The following IQCM variants were observed in gnomAD, a reference collection of about 807,000 sequenced individuals.
The protein encoded by IQCM is IQ domain-containing protein M.
In IQCM, 45 loss-of-function variants were observed where a neutral mutation model predicts 57.6. The ratio of observed to expected loss-of-function variants is 0.78; its 90% CI spans 0.62 to 1.00. IQCM has a LOEUF of 1.00. IQCM is among the 50% of genes least tolerant of loss of function. The pLI, the probability that IQCM is intolerant of heterozygous loss-of-function variation, is 0.00. For missense variants in IQCM, 468 were observed against 511.6 expected (o/e 0.91, Z 0.82); for synonymous variants, 148 against 158.9 (o/e 0.93, Z 0.51).
At chr4:149,624,791 T>C (rs908741059) in intron 7 of IQCM, among the ~76,000 whole-genome samples, 1 of 152,216 alleles carries the variant, frequency 6.6e-6, no homozygotes, top group African/African-American at 2.4e-5. Context: ...AGAAACCAAA[T>C]GCTCTTAAGA....
At chr4:149,409,896 C>G (rs1733250758) in intron 13 of IQCM, among the ~76,000 whole-genome samples, 2 of 152,142 alleles carry the variant, frequency 1.3e-5, no homozygotes, top group Non-Finnish European at 2.9e-5. Flanking sequence ...GTAAAAGAAT[C>G]AGTTCTTGGC....
intron 11 of IQCM, among the ~76,000 whole-genome samples, chr4:149,552,480 A>G (rs910159366): frequency 2.0e-5 from 3 of 152,188 alleles, no homozygotes; most frequent in Non-Finnish European, 2.9e-5. Flanking sequence ...AAATATAAAT[A>G]TAAATTGAGA....
chr4:149,445,252 G>A (rs888494265), intron 12 of IQCM, among the ~76,000 whole-genome samples: 2 of 151,730 alleles, frequency 1.3e-5, no homozygotes, highest in East Asian at 3.9e-4. Context: ...GCGGCCAAAT[G>A]GGCAACAGGA....
chr4:149,701,655 T>C (rs965639564), intron 5 of IQCM, among the ~76,000 whole-genome samples: 21 of 151,938 alleles, frequency 1.4e-4, no homozygotes, highest in African/African-American at 5.1e-4. Flanking sequence ...CACTTTGAGG[T>C]TTGAAATGTT....
intron 2 of IQCM, among the ~76,000 whole-genome samples, chr4:149,814,586 T>A (rs1313099981): frequency 1.3e-5 from 2 of 151,956 alleles, no homozygotes; most frequent in Non-Finnish European, 2.9e-5. Flanking sequence ...TATAACAGAT[T>A]TTTTTCATAA....
intron 10 of IQCM, among the ~76,000 whole-genome samples, chr4:149,556,013 T>C (rs1328348709): frequency 6.6e-6 from 1 of 152,192 alleles, no homozygotes; most frequent in Non-Finnish European, 1.5e-5. Context: ...ACAGGGAGTG[T>C]CCCTCCCAGG....
intron 9 of IQCM, among the ~76,000 whole-genome samples, chr4:149,569,162 A>C (rs752435448): frequency 6.6e-6 from 1 of 152,228 alleles, no homozygotes; most frequent in Non-Finnish European, 1.5e-5. Context: ...CCAGATCATC[A>C]TCATTGTTGC....
intron 13 of IQCM, among the ~76,000 whole-genome samples, chr4:149,352,872 A>C (rs1022275179): frequency 1.3e-5 from 2 of 152,200 alleles, no homozygotes; most frequent in Admixed American, 6.5e-5. Flanking sequence ...TTATACAAAG[A>C]AATAATTTAT....
chr4:149,624,268 A>C (rs1756608291), intron 7 of IQCM, among the ~76,000 whole-genome samples: 2 of 152,184 alleles, frequency 1.3e-5, no homozygotes, highest in Admixed American at 1.3e-4. Flanking sequence ...ATAGAATCCA[A>C]CTGAAATAAA....
intron 7 of IQCM, among the ~76,000 whole-genome samples, chr4:149,637,449 A>G (rs960193219): frequency 7.2e-5 from 11 of 152,302 alleles, no homozygotes; most frequent in African/African-American, 1.9e-4. Flanking sequence ...TTGTTATTCC[A>G]TGTCCCTTCA....
intron 8 of IQCM, among the ~76,000 whole-genome samples, chr4:149,600,750 C>T (rs942028767): frequency 6.6e-6 from 1 of 152,116 alleles, no homozygotes; most frequent in Admixed American, 6.6e-5. Flanking sequence ...CTTCAATGTG[C>T]TTATAAATCA....
At chr4:149,704,755 G>C (rs1029541318) in intron 5 of IQCM, among the ~76,000 whole-genome samples, 2 of 151,904 alleles carry the variant, frequency 1.3e-5, no homozygotes, top group African/African-American at 4.8e-5. Context: ...TTATTACTGT[G>C]TGTGTCTGTG....
chr4:149,359,405 T>A (rs1236531414), intron 13 of IQCM, among the ~76,000 whole-genome samples: 2 of 152,192 alleles, frequency 1.3e-5, no homozygotes. Flanking sequence ...TTTTTGCTTA[T>A]CTACATTTTC....
chr4:149,578,056 T>C (rs531586935), intron 9 of IQCM, among the ~76,000 whole-genome samples: 1 of 151,932 alleles, frequency 6.6e-6, no homozygotes, highest in Non-Finnish European at 1.5e-5. Flanking sequence ...CTACTGACTT[T>C]GGTTCATTGA....
intron 13 of IQCM, among the ~76,000 whole-genome samples, chr4:149,395,654 A>G (rs1168640154): frequency 6.6e-6 from 1 of 152,012 alleles, no homozygotes; most frequent in East Asian, 1.9e-4. Context: ...AAAAGAATGA[A>G]TCTAATGTTA....
At chr4:149,623,252 T>C (rs1056459206) in intron 7 of IQCM, among the ~76,000 whole-genome samples, 2 of 152,198 alleles carry the variant, frequency 1.3e-5, no homozygotes, top group African/African-American at 4.8e-5. Context: ...GGCAAAGAGA[T>C]TATCTTCTTG....
rs72724070 is a variant in IQCM, at chr4:149,397,761, G to T, written c.1390+35635C>A. On this transcript the variant is annotated intron_variant, in intron 13 of 13. Coordinates refer to ENST00000636793, the MANE Select transcript of IQCM (RefSeq NM_001363507.2). ...CCATTTTTAAATCCAGTTATTAGGG[G>T]TTTTTTTTCTTTTTCTTATTTTGCT... is the stretch of plus-strand genomic sequence containing the variant. Among the ~76,000 whole-genome samples the T allele has an allele frequency of 7.4e-3, 1,116 of 151,544 alleles. 13 individuals carry two copies. Among genetic ancestry groups the T allele is most frequent in the East Asian group, 0.042 (214 of 5,122 alleles).
intron 2 of IQCM, among the ~76,000 whole-genome samples, chr4:149,753,663 T>G (rs1188634957): frequency 6.6e-6 from 1 of 151,766 alleles, no homozygotes; most frequent in African/African-American, 2.4e-5. Context: ...CACACCAACA[T>G]GGCTCATGTA....
At position 149,474,379 on chromosome 4, in the gene IQCM, C is replaced by T. The variant is rs553431789; in HGVS notation, c.1229-40822G>A. 3.2e-4 allele frequency among the ~76,000 whole-genome samples: 48 copies of T among 151,950 alleles called. No homozygotes were observed. In the Middle Eastern group the frequency reaches 0.014, roughly 43 times the overall value. On this transcript the variant is annotated intron_variant, in intron 12 of 13. Coordinates refer to ENST00000636793, the MANE Select transcript of IQCM (RefSeq NM_001363507.2). ...CAGGAGTTCAAGACTTCAGTGGACT[C>T]CAGCCTGGCAATAGAGCAAGACCAT...
Sources: allele counts gnomAD v4.1 joint callset (sites outside exome capture counted in the v4.1 genomes callset), GRCh38; gene constraint gnomAD v4.1.1; transcripts MANE v1.5; gene names NCBI Gene and HGNC (gene_info 2026-07-23, HGNC 2026-07-21).